MRPS5: variants seen among roughly 807,000 people sequenced by gnomAD.
The protein encoded by MRPS5 is mitochondrial ribosomal protein S5.
MRPS5 carries 27 observed loss-of-function variants against 51.9 expected under a neutral mutation model. The observed-to-expected ratio is 0.52, with a 90% confidence interval of 0.38 to 0.72. The LOEUF is 0.72. Ranked by LOEUF, MRPS5 falls within the 30% of genes least tolerant of loss-of-function variation. The pLI is 0.00. For synonymous variants in MRPS5, 196 were observed against 193.2 expected, an observed-to-expected ratio of 1.01 and a Z score of -0.12; for missense variants, 570 against 545.7, an observed-to-expected ratio of 1.04 and a Z score of -0.44.
intron 5 of MRPS5, among the ~76,000 whole-genome samples, chr2:95,106,899 C>T (rs1367184244): frequency 6.6e-6 from 1 of 152,130 alleles, no homozygotes; most frequent in African/African-American, 2.4e-5. Flanking sequence ...TCCTGACCTG[C>T]TGGGTGCTGC....
chr2:95,120,053 GT>G (rs1273226745), intron 1 of MRPS5, among the ~76,000 whole-genome samples: 1 of 152,122 alleles, frequency 6.6e-6, no homozygotes, highest in Non-Finnish European at 1.5e-5. Flanking sequence ...ACAGAAGGGG[GT>G]TAAAGAAGAA....
chr2:95,085,398 T>C lies in MRPS5; in HGVS notation c.*1959A>G, dbSNP rs1260990523. 2.6e-5 allele frequency among the ~76,000 whole-genome samples: 4 copies of C among 152,256 alleles called. No individual in the cohort carries two copies. Among genetic ancestry groups the C allele is most frequent in the Non-Finnish European group, 5.9e-5 (4 of 68,044 alleles). ...GTTTCCCCTCTCCAAAGGATCATTGTCTTTTATTGCTTAAAGTTCATTGTC... is the reference window on the plus strand; with the variant it reads ...GTTTCCCCTCTCCAAAGGATCATTGCCTTTTATTGCTTAAAGTTCATTGTC... On this transcript the variant is annotated 3_prime_UTR_variant, in exon 12 of 12. Transcript: ENST00000272418.
At position 95,090,387 on chromosome 2, in the gene MRPS5, T is replaced by C. The variant is rs759967803; in HGVS notation, c.1067A>G (p.Gln356Arg). ...TQGLFRGLSR[Q>R]ETHQQLADKK... Reference sequence around the variant, plus strand: ...TTTCAGACCCCGGGAAAGGATTACCTGTCTGGAGAGCCCACGGAAGAGGCC... The same window carrying C: ...TTTCAGACCCCGGGAAAGGATTACCCGTCTGGAGAGCCCACGGAAGAGGCC... The change falls in exon 11 of 12, where the codon CAG (glutamine) becomes CGG (arginine). Residue 356 changes from glutamine to arginine, a missense_variant and splice_region_variant. Coordinates refer to ENST00000272418, the MANE Select transcript of MRPS5 (RefSeq NM_031902.5). 3.1e-6 allele frequency: 5 copies of C among 1,613,220 alleles called. No homozygotes were observed. The highest frequency in any genetic ancestry group is 1.7e-5 in the Admixed American group (1 of 59,990).
chr2:95,090,573 G>A, intron 10 of MRPS5, 51 bp from the exon 11 acceptor site: 2 of 1,609,458 alleles, frequency 1.2e-6, no homozygotes, highest in Non-Finnish European at 1.7e-6. Flanking sequence ...TGCAGCCGGA[G>A]GAGTCACCCT....
At chr2:95,102,465 G>A (rs993061411) in intron 7 of MRPS5, among the ~76,000 whole-genome samples, 11 of 152,108 alleles carry the variant, frequency 7.2e-5, no homozygotes, top group African/African-American at 2.7e-4. Flanking sequence ...AGTTCAAGAT[G>A]AGCCCGGGCA....
intron 1 of MRPS5, among the ~76,000 whole-genome samples, chr2:95,120,092 A>T (rs935200641): frequency 1.3e-5 from 2 of 152,262 alleles, no homozygotes; most frequent in East Asian, 3.8e-4. Flanking sequence ...CATATGACCT[A>T]GCAATTACAA....
Position 95,087,326 on chromosome 2 carries a change from C to T in MRPS5, c.*31G>A. 1 of 1,588,564 alleles carries T rather than the reference C, an allele frequency of 6.3e-7. No homozygotes were observed. The highest frequency in any genetic ancestry group is 8.6e-7 in the Non-Finnish European group (1 of 1,157,436). On this transcript the variant is annotated 3_prime_UTR_variant, in exon 12 of 12. Coordinates refer to ENST00000272418, the MANE Select transcript of MRPS5 (RefSeq NM_031902.5). ...TGAGTCTCTCCTAGGTGCAGGGCAG[C>T]ACAGGAACTGGCTGCACAAGGCCAG...
intron 11 of MRPS5, among the ~76,000 whole-genome samples, chr2:95,089,284 AACAGAG>A (rs1215050582): frequency 6.6e-6 from 1 of 152,166 alleles, no homozygotes; most frequent in Admixed American, 6.5e-5. Flanking sequence ...TCCTACTTTA[AACAGAG>A]ACATGTAAAA....
At chr2:95,089,903 C>G (rs1012123172) in intron 11 of MRPS5, among the ~76,000 whole-genome samples, 1 of 152,094 alleles carries the variant, frequency 6.6e-6, no homozygotes, top group African/African-American at 2.4e-5. Flanking sequence ...TCAGGCCGGG[C>G]GCGGTGGCTC....
chr2:95,106,136 T>C (rs1394233901), intron 6 of MRPS5, among the ~76,000 whole-genome samples: 1 of 152,192 alleles, frequency 6.6e-6, no homozygotes, highest in Non-Finnish European at 1.5e-5. Flanking sequence ...CAATGCTACT[T>C]TAGGAAGGAG....
chr2:95,096,084 G>T (rs1039114228), intron 10 of MRPS5, among the ~76,000 whole-genome samples: 2 of 152,146 alleles, frequency 1.3e-5, no homozygotes, highest in African/African-American at 4.8e-5. Flanking sequence ...AGAAAATCTA[G>T]AAGAAATGAA....
At chr2:95,106,364 G>GCCCCCCCCCC in intron 6 of MRPS5, 59 bp downstream of exon 6, 4 of 741,196 alleles carry the variant, frequency 5.4e-6, no homozygotes, top group Non-Finnish European at 9.6e-6. Context: ...CCCTGTCCCT[G>GCCCCCCCCCC]CCCCACCCAC....
In MRPS5 at chr2:95,087,490, G is replaced by C. The variant is rs1355745956; in HGVS notation, c.1160C>G (p.Pro387Arg). The change falls in exon 12 of 12, where the codon CCC becomes CGC. Residue 387 changes from proline (P) to arginine (R), a missense_variant. Pro to Arg is a moderately radical substitution (Grantham distance 103, BLOSUM62 -2). Transcript: ENST00000272418. ...TGGATCCTTCCTCAAGGGCCCCCGG[G>C]GGGACGCAACCACAATGGGCAGAGG... is the stretch of plus-strand genomic sequence containing the variant. ...CGPLPIVVAS[P>R]RGPLRKDPEP... 18 of 1,614,072 alleles carry C rather than the reference G, an allele frequency of 1.1e-5. No homozygotes were observed. Among genetic ancestry groups the C allele is most frequent in the Non-Finnish European group, 1.4e-5 (17 of 1,180,052 alleles).
At chr2:95,102,441 A>C (rs1675828990) in intron 7 of MRPS5, among the ~76,000 whole-genome samples, 1 of 152,186 alleles carries the variant, frequency 6.6e-6, no homozygotes, top group Non-Finnish European at 1.5e-5. Context: ...AGATGGACAG[A>C]TTGCTTGAGC....
In MRPS5 at chr2:95,100,897, G is replaced by A. The variant is rs766432415; in HGVS notation, c.811-3C>T. The stretch of plus-strand genomic sequence containing the variant: ...TGGTGAACTGCTCTGTTCTTTGCCT[G>A]AAAGGAAAATGTTTTTCTTAACTCT... On this transcript the variant is annotated splice_region_variant and splice_polypyrimidine_tract_variant and intron_variant, in intron 8 of 11. Transcript: ENST00000272418. The A allele has an allele frequency of 1.9e-6, 3 of 1,605,664 alleles. No homozygotes were observed. The highest frequency in any genetic ancestry group is 2.5e-6 in the Non-Finnish European group (3 of 1,177,046).
Position 95,117,952 on chromosome 2 carries a change from A to G in MRPS5, c.59-7T>C. ...TGCCTCCCCAATAAATGACCTGCAA[A>G]TTGGAAAAAAAAAAATTTAAGATAC... On this transcript the variant is annotated splice_polypyrimidine_tract_variant and splice_region_variant and intron_variant, in intron 1 of 11. Coordinates refer to ENST00000272418, the MANE Select transcript of MRPS5 (RefSeq NM_031902.5). The G allele has an allele frequency of 1.3e-6, 2 of 1,589,472 alleles. No individual in the cohort carries two copies. The highest frequency in any genetic ancestry group is 1.2e-5 in the South Asian group (1 of 86,280).
At chr2:95,090,648 C>T (rs1364253810) in intron 10 of MRPS5, 126 bp from the exon 11 acceptor site, 3 of 1,008,400 alleles carry the variant, frequency 3.0e-6, no homozygotes, top group Non-Finnish European at 4.4e-6. Context: ...GGTATCACCA[C>T]TTCCTAGTGA....
At chr2:95,111,216 C>T (rs932147695) in intron 3 of MRPS5, among the ~76,000 whole-genome samples, 1 of 152,198 alleles carries the variant, frequency 6.6e-6, no homozygotes, top group African/African-American at 2.4e-5. Flanking sequence ...TTTAAGCCAA[C>T]TCTAATTCAC....
intron 11 of MRPS5, among the ~76,000 whole-genome samples, 165 bp from the exon 12 acceptor site, chr2:95,087,746 G>A (rs953201336): frequency 1.3e-5 from 2 of 152,114 alleles, no homozygotes; most frequent in African/African-American, 2.4e-5. Flanking sequence ...ACCTGTCATG[G>A]GTGGAGTCAT....
Sources: allele counts gnomAD v4.1 joint callset (sites outside exome capture counted in the v4.1 genomes callset), GRCh38; gene constraint gnomAD v4.1.1; transcripts MANE v1.5; gene names NCBI Gene and HGNC (gene_info 2026-07-23, HGNC 2026-07-21).